The following PIEZO2 variants were observed in gnomAD, a reference collection of about 807,000 sequenced individuals.
PIEZO2 encodes the protein piezo-type mechanosensitive ion channel component 2.
Under a neutral mutation model 337.3 loss-of-function variants are expected in PIEZO2, and 172 were observed. The ratio of observed to expected loss-of-function variants is 0.51; its 90% CI spans 0.45 to 0.58. The LOEUF is 0.58. PIEZO2 is among the 20% of genes least tolerant of loss of function. PIEZO2 has a pLI of 0.00. For missense variants in PIEZO2, 3,028 were observed against 3,391.3 expected (o/e 0.89, Z 2.66); for synonymous variants, 1,251 against 1,228.5 (o/e 1.02, Z -0.38).
rs888790613 is a variant in PIEZO2, at chr18:11,069,650, A to G, written c.65-3428T>C. ...ATGCCTACTCTTGACACTTCCATTC[A>G]ATGTGGTACGGGAAGTCCTAGGCAG... On this transcript the variant is annotated intron_variant, in intron 1 of 55. Coordinates refer to ENST00000674853, the MANE Select transcript of PIEZO2 (RefSeq NM_001378183.1). The surrounding 1 kb of genome is among the most constrained non-coding windows in gnomAD (Gnocchi z 4.9). 5.9e-5 allele frequency among the ~76,000 whole-genome samples: 9 copies of G among 152,214 alleles called. No homozygotes were observed. The highest frequency in any genetic ancestry group is 1.3e-4 in the Admixed American group (2 of 15,288).
chr18:10,733,695 G>A (rs989433983), intron 35 of PIEZO2, among the ~76,000 whole-genome samples: 5 of 152,084 alleles, frequency 3.3e-5, no homozygotes, highest in South Asian at 2.1e-4. Flanking sequence ...TGATCTGCCC[G>A]CCTCGGCCTC....
At chr18:10,951,408 T>C (rs1196115753) in intron 3 of PIEZO2, among the ~76,000 whole-genome samples, 1 of 152,186 alleles carries the variant, frequency 6.6e-6, no homozygotes, top group African/African-American at 2.4e-5. Flanking sequence ...CTTTGACAAG[T>C]CTCTGACCTG....
chr18:10,723,597 T>C (rs1211009979), intron 36 of PIEZO2, among the ~76,000 whole-genome samples: 7 of 151,802 alleles, frequency 4.6e-5, no homozygotes, highest in South Asian at 4.2e-4. Flanking sequence ...GAGGAAGAGA[T>C]TGATGATGTA....
chr18:11,018,488 C>G (rs1285466353), intron 2 of PIEZO2, among the ~76,000 whole-genome samples: 1 of 149,570 alleles, frequency 6.7e-6, no homozygotes, highest in Non-Finnish European at 1.5e-5. Context: ...GATTCCTGAT[C>G]TGTTGGCAGG....
chr18:10,742,343 C>G (rs368226303), intron 32 of PIEZO2, 151 bp downstream of exon 32: 17 of 792,232 alleles, frequency 2.1e-5, no homozygotes, highest in Non-Finnish European at 2.9e-5. Flanking sequence ...TGAATATATC[C>G]ATTCACAATG....
At chr18:11,019,727 G>A (rs1242833410) in intron 2 of PIEZO2, among the ~76,000 whole-genome samples, 1 of 152,152 alleles carries the variant, frequency 6.6e-6, no homozygotes, top group African/African-American at 2.4e-5. Flanking sequence ...GAGCAATAAA[G>A]GCTGATTTTT....
At position 11,105,313 on chromosome 18, in the gene PIEZO2, G is replaced by A. The variant is rs1310939854; in HGVS notation, c.65-39091C>T. On this transcript the variant is annotated intron_variant, in intron 1 of 55. Transcript: ENST00000674853. The surrounding 1 kb of genome is among the most constrained non-coding windows in gnomAD (Gnocchi z 4.3). The stretch of plus-strand genomic sequence containing the variant: ...CACACTCAGTGCCTTGGCTGAAAGG[G>A]AACTTAAAATTCAGACTTACTCCTC... 6.6e-6 allele frequency among the ~76,000 whole-genome samples: 1 copy of A among 152,108 alleles called. No homozygotes were observed. The highest frequency in any genetic ancestry group is 1.5e-5 in the Non-Finnish European group (1 of 68,030).
rs2041364444 is a variant in PIEZO2, at chr18:10,846,398, G to T, written c.917+8955C>A. Among the ~76,000 whole-genome samples, 1 of 152,150 alleles carries T rather than the reference G, an allele frequency of 6.6e-6. No homozygotes were observed. The highest frequency in any genetic ancestry group is 6.5e-5 in the Admixed American group (1 of 15,286). Reference sequence around the variant, plus strand: ...TCCCACCGGGGATGAGATTTGGGTGGGGTCATAGCAAAACCTATCACTTAG... The same window carrying T: ...TCCCACCGGGGATGAGATTTGGGTGTGGTCATAGCAAAACCTATCACTTAG... On this transcript the variant is annotated intron_variant, in intron 7 of 55. Coordinates refer to ENST00000674853, the MANE Select transcript of PIEZO2 (RefSeq NM_001378183.1). The surrounding 1 kb of genome is among the most constrained non-coding windows in gnomAD (Gnocchi z 4.1).
At chr18:10,839,912 G>A (rs944798018) in intron 7 of PIEZO2, among the ~76,000 whole-genome samples, 3 of 152,126 alleles carry the variant, frequency 2.0e-5, no homozygotes, top group East Asian at 1.9e-4. Context: ...AGAAACAAGC[G>A]TATCTAGGAA....
chr18:11,108,620 A>T (rs1325736255), intron 1 of PIEZO2, among the ~76,000 whole-genome samples: 5 of 150,632 alleles, frequency 3.3e-5, no homozygotes, highest in Admixed American at 2.0e-4. Flanking sequence ...TCTCAAAAAA[A>T]AAAAAAAAAA....
intron 36 of PIEZO2, chr18:10,725,304 CAGA>C: frequency 6.3e-7 from 1 of 1,584,602 alleles, no homozygotes; most frequent in Non-Finnish European, 8.7e-7. Flanking sequence ...GTAAATACAG[CAGA>C]AGGAGGGCTG....
chr18:11,037,639 C>T (rs1207818231), intron 2 of PIEZO2, among the ~76,000 whole-genome samples: 1 of 152,158 alleles, frequency 6.6e-6, no homozygotes, highest in Non-Finnish European at 1.5e-5. Flanking sequence ...ACCTACTCTG[C>T]CATTTCTGAA....
At chr18:10,843,717 T>G (rs1309894386) in intron 7 of PIEZO2, among the ~76,000 whole-genome samples, 2 of 152,192 alleles carry the variant, frequency 1.3e-5, no homozygotes, top group African/African-American at 2.4e-5. Context: ...GACACAAAGG[T>G]CAATGAGATA....
At chr18:10,683,906 C>T (rs1037663332) in intron 49 of PIEZO2, among the ~76,000 whole-genome samples, 3 of 152,086 alleles carry the variant, frequency 2.0e-5, no homozygotes, top group African/African-American at 7.2e-5. Context: ...TCAAAAATTC[C>T]CAGAGGCTTC....
In PIEZO2 at chr18:10,784,372, G is replaced by C. The variant is rs2039139939; in HGVS notation, c.2492+412C>G. 6.6e-6 allele frequency among the ~76,000 whole-genome samples: 1 copy of C among 152,150 alleles called. No individual in the cohort carries two copies. The highest frequency in any genetic ancestry group is 6.6e-5 in the Admixed American group (1 of 15,264). ...TATTTCCAAAGTGGAAGGGAAAACTGCCCATCATCTTTTGCTATGCTCTCA... is the reference window on the plus strand; with the variant it reads ...TATTTCCAAAGTGGAAGGGAAAACTCCCCATCATCTTTTGCTATGCTCTCA... On this transcript the variant is annotated intron_variant, in intron 17 of 55. Transcript: ENST00000674853. The surrounding 1 kb of genome is among the most constrained non-coding windows in gnomAD (Gnocchi z 4.5).
intron 7 of PIEZO2, among the ~76,000 whole-genome samples, chr18:10,851,522 G>A (rs773861783): frequency 2.0e-5 from 3 of 152,080 alleles, no homozygotes; most frequent in Non-Finnish European, 4.4e-5. Context: ...CAAATGAAGA[G>A]CAAATATGAT....
At chr18:11,013,498 C>T (rs891673445) in intron 2 of PIEZO2, among the ~76,000 whole-genome samples, 1 of 152,200 alleles carries the variant, frequency 6.6e-6, no homozygotes, top group Admixed American at 6.5e-5. Flanking sequence ...GAAAGTAATA[C>T]AATAAAGATT....
In PIEZO2 at chr18:10,979,921, T is replaced by G. The variant is rs2034600722; in HGVS notation, c.161-261A>C. Reference sequence around the variant, plus strand: ...CTATTTATCATATGACACATTACAGTGGAACTACAAAAAGGTCCTGGACCA... The same window carrying G: ...CTATTTATCATATGACACATTACAGGGGAACTACAAAAAGGTCCTGGACCA... On this transcript the variant is annotated intron_variant, in intron 2 of 55. Coordinates refer to ENST00000674853, the MANE Select transcript of PIEZO2 (RefSeq NM_001378183.1). The surrounding 1 kb of genome is among the most constrained non-coding windows in gnomAD (Gnocchi z 4.0). Among the ~76,000 whole-genome samples, 1 of 152,186 alleles carries G rather than the reference T, an allele frequency of 6.6e-6. No individual in the cohort carries two copies. The highest frequency in any genetic ancestry group is 2.1e-4 in the South Asian group (1 of 4,832).
rs192252532 is a variant in PIEZO2 at position 11,147,920 on chromosome 18, G to A, written c.64+605C>T. On this transcript the variant is annotated intron_variant, in intron 1 of 55. Transcript: ENST00000674853. ...CGCTGGGAGGCGGGACTAGGTGTTG[G>A]GGGTCTATAGCCTTAGCATCCAGTA... 1.4e-3 allele frequency among the ~76,000 whole-genome samples: 214 copies of A among 152,362 alleles called. 1 individual carries two copies. The highest frequency in any genetic ancestry group is 4.5e-3 in the African/African-American group (188 of 41,588).
Sources: gnomAD v4.1 joint callset for allele counts (sites outside exome capture counted in the v4.1 genomes callset) on GRCh38, gnomAD v4.1.1 for gene constraint, Gnocchi (gnomAD v3.1) non-coding constraint, MANE v1.5 for transcripts, NCBI Gene and HGNC (gene_info 2026-07-23, HGNC 2026-07-21) for gene names.